UBE2E3: variants seen among roughly 807,000 people sequenced by gnomAD.
The protein encoded by UBE2E3 is ubiquitin conjugating enzyme E2 E3, also known as ubiquitin-conjugating enzyme E2 E3.
Under a neutral mutation model 23.6 loss-of-function variants are expected in UBE2E3, and 5 were observed. That is an observed-to-expected ratio of 0.21 (90% confidence interval 0.11 to 0.44). The LOEUF (loss-of-function observed/expected upper bound fraction) is 0.44, where lower values mean the gene tolerates loss of function less well. UBE2E3 is among the 20% of genes least tolerant of loss of function. The pLI, the probability that UBE2E3 is intolerant of heterozygous loss-of-function variation, is 0.99. For synonymous variants in UBE2E3, 78 were observed against 87.5 expected (o/e 0.89, Z 0.60); for missense variants, 81 against 249.8 (o/e 0.32, Z 4.55).
At chr2:181,002,538 A>G (rs1685020234) in intron 3 of UBE2E3, among the ~76,000 whole-genome samples, 1 of 152,228 alleles carries the variant, frequency 6.6e-6, no homozygotes, top group Non-Finnish European at 1.5e-5. Flanking sequence ...AATGTAATGC[A>G]TACCACGTAT....
intron 3 of UBE2E3, among the ~76,000 whole-genome samples, chr2:180,984,999 C>A (rs1245159978): frequency 1.3e-5 from 2 of 152,184 alleles, no homozygotes; most frequent in East Asian, 3.9e-4. Context: ...ACAATGTTTT[C>A]ATGTTTAACC....
At chr2:180,981,878 CT>C (rs1257226337) in intron 1 of UBE2E3, 139 bp from the exon 2 acceptor site, 2 of 649,058 alleles carry the variant, frequency 3.1e-6, no homozygotes, top group Non-Finnish European at 5.3e-6. Context: ...GTACGTACCC[CT>C]GTTGTACGAT....
rs555337631 is a variant in UBE2E3 at position 181,032,023 on chromosome 2, C to T, written c.246-25670C>T. 2.0e-5 allele frequency among the ~76,000 whole-genome samples: 3 copies of T among 152,240 alleles called. No homozygotes were observed. The East Asian group carries it at 5.8e-4, about 29-fold the overall frequency. ...CTAAGAGTATTCTGCAATGGAAAAC[C>T]AGCTTCAGGGAGGTGCTCCATTAGG... On this transcript the variant is annotated intron_variant, in intron 3 of 5. Coordinates refer to ENST00000410062, the MANE Select transcript of UBE2E3 (RefSeq NM_006357.4).
intron 3 of UBE2E3, among the ~76,000 whole-genome samples, chr2:181,007,568 A>G (rs1025961328): frequency 1.3e-5 from 2 of 151,290 alleles, no homozygotes; most frequent in African/African-American, 4.9e-5. Context: ...ATTGTTCTCT[A>G]ATGAGATGGA....
At chr2:181,011,176 A>G (rs1484919088) in intron 3 of UBE2E3, among the ~76,000 whole-genome samples, 1 of 152,000 alleles carries the variant, frequency 6.6e-6, no homozygotes, top group Non-Finnish European at 1.5e-5. Flanking sequence ...TTGTAATGGA[A>G]TGCCTGAGAC....
intron 3 of UBE2E3, among the ~76,000 whole-genome samples, chr2:181,047,417 T>TA (rs1392247489): frequency 2.6e-5 from 4 of 152,114 alleles, no homozygotes; most frequent in Non-Finnish European, 5.9e-5. Context: ...CCCTTTATCT[T>TA]ACTTGTCTGT....
At chr2:180,981,904 C>A in intron 1 of UBE2E3, 114 bp from the exon 2 acceptor site, 2 of 755,648 alleles carry the variant, frequency 2.6e-6, no homozygotes, top group South Asian at 1.9e-5. Context: ...TAAGTGTGAA[C>A]ACTTTTGAAG....
chr2:181,031,356 T>C (rs1686071300), intron 3 of UBE2E3, among the ~76,000 whole-genome samples: 1 of 152,220 alleles, frequency 6.6e-6, no homozygotes, highest in Non-Finnish European at 1.5e-5. Flanking sequence ...TTTGCTGTAT[T>C]ACTTTTTATT....
intron 3 of UBE2E3, among the ~76,000 whole-genome samples, chr2:180,994,903 C>T (rs1425642519): frequency 6.6e-6 from 1 of 152,076 alleles, no homozygotes; most frequent in East Asian, 1.9e-4. Flanking sequence ...ATTTACAGAC[C>T]ACACATGGTG....
intron 3 of UBE2E3, among the ~76,000 whole-genome samples, chr2:181,049,392 G>T (rs1686761536): frequency 6.6e-6 from 1 of 152,034 alleles, no homozygotes; most frequent in African/African-American, 2.4e-5. Context: ...GGACTTGGAT[G>T]TGTGTTTGTG....
chr2:181,040,139 A>G (rs1049997792), intron 3 of UBE2E3, among the ~76,000 whole-genome samples: 3 of 152,214 alleles, frequency 2.0e-5, no homozygotes, highest in Admixed American at 1.3e-4. Context: ...AAAAATTTAT[A>G]TACTTAAATT....
At chr2:181,040,101 G>A (rs901326411) in intron 3 of UBE2E3, among the ~76,000 whole-genome samples, 7 of 152,108 alleles carry the variant, frequency 4.6e-5, no homozygotes, top group Non-Finnish European at 1.5e-5. Flanking sequence ...ATTTTAAGTG[G>A]CCATTTGACT....
intron 3 of UBE2E3, 38 bp downstream of exon 3, chr2:180,984,131 G>T: frequency 6.5e-7 from 1 of 1,548,574 alleles, no homozygotes; most frequent in Non-Finnish European, 8.9e-7. Context: ...TTCAAATTGT[G>T]GAAAAATACC....
At chr2:181,037,118 A>G (rs1016042885) in intron 3 of UBE2E3, among the ~76,000 whole-genome samples, 10 of 152,234 alleles carry the variant, frequency 6.6e-5, no homozygotes, top group Admixed American at 3.9e-4. Context: ...TTGAGGTTGT[A>G]GTCATCGTAG....
At chr2:181,012,586 C>T (rs1363041412) in intron 3 of UBE2E3, among the ~76,000 whole-genome samples, 2 of 152,150 alleles carry the variant, frequency 1.3e-5, no homozygotes, top group East Asian at 3.8e-4. Context: ...CATGTAATGG[C>T]CACAAAGTAA....
At chr2:180,987,461 A>G (rs1684516924) in intron 3 of UBE2E3, 11 of 1,500,568 alleles carry the variant, frequency 7.3e-6, no homozygotes, top group Non-Finnish European at 1.0e-5. Context: ...ATACTGACGA[A>G]TATTTTAAGA....
chr2:181,041,585 G>A (rs555050708), intron 3 of UBE2E3, among the ~76,000 whole-genome samples: 12 of 151,796 alleles, frequency 7.9e-5, no homozygotes, highest in Middle Eastern at 3.4e-3. Context: ...ATTACAGCAC[G>A]CACCACCATG....
At chr2:181,000,505 A>G (rs1182774949) in intron 3 of UBE2E3, among the ~76,000 whole-genome samples, 2 of 152,016 alleles carry the variant, frequency 1.3e-5, no homozygotes, top group African/African-American at 2.4e-5. Context: ...TATAAATGGT[A>G]TCCCCTGAGT....
At chr2:181,047,765 C>T (rs867809112) in intron 3 of UBE2E3, among the ~76,000 whole-genome samples, 1 of 152,084 alleles carries the variant, frequency 6.6e-6, no homozygotes, top group African/African-American at 2.4e-5. Context: ...TCCGGGCCTC[C>T]TCCAGACCAT....
Sources: gnomAD v4.1 joint callset for allele counts (sites outside exome capture counted in the v4.1 genomes callset) on GRCh38, gnomAD v4.1.1 for gene constraint, MANE v1.5 for transcripts, NCBI Gene and HGNC (gene_info 2026-07-23, HGNC 2026-07-21) for gene names.